VSTM4: variants seen among roughly 807,000 people sequenced by gnomAD.
VSTM4 encodes the protein V-set and transmembrane domain-containing protein 4.
In VSTM4, 20 loss-of-function variants were observed where a neutral mutation model predicts 36.4. The observed-to-expected ratio is 0.55, with a 90% CI of 0.39 to 0.80. The LOEUF is 0.80. Among genes scored for constraint, VSTM4 ranks in the 30% least tolerant of loss-of-function variants. The pLI is 0.00. For missense variants in VSTM4, 392 were observed against 404.5 expected, an observed-to-expected ratio of 0.97 and a Z score of 0.26; for synonymous variants, 182 against 173.9, an observed-to-expected ratio of 1.05 and a Z score of -0.37.
intron 2 of VSTM4, among the ~76,000 whole-genome samples, chr10:49,093,220 G>A (rs1190004461): frequency 1.3e-5 from 2 of 152,070 alleles, no homozygotes; most frequent in Non-Finnish European, 2.9e-5. Flanking sequence ...TGCCCACTGG[G>A]GCTTCAGGAG....
chr10:49,086,003 C>A lies in VSTM4; in HGVS notation c.478G>T (p.Glu160Ter). The change falls in exon 3 of 8, where the codon GAA becomes TAA. Residue 160 changes from glutamate to a stop codon, truncating the protein, a stop_gained. Transcript: ENST00000332853. LOFTEE classifies it high-confidence loss of function. ...TTTGTTTTCTCAAAGGATGACTCTT[C>A]AGAAGCTTTGAGGGAAATGACTGAA... ...EMRVISLKAS[E>*]ESSFEKTKET... is the part of the protein sequence containing the mutation. The A allele has an allele frequency of 6.3e-7, 1 of 1,591,814 alleles. No individual in the cohort carries two copies. Among genetic ancestry groups the A allele is most frequent in the South Asian group, 1.2e-5 (1 of 85,370 alleles).
At chr10:49,045,530 T>C (rs1444141366) in intron 7 of VSTM4, among the ~76,000 whole-genome samples, 1 of 152,188 alleles carries the variant, frequency 6.6e-6, no homozygotes. Context: ...TTTGCAAGCC[T>C]TAACATATCT....
chr10:49,024,111 C>G (rs932689864), intron 7 of VSTM4, among the ~76,000 whole-genome samples: 12 of 152,176 alleles, frequency 7.9e-5, no homozygotes, highest in African/African-American at 2.9e-4. Context: ...TCTCCCAGGG[C>G]TGTTTGGTTT....
In VSTM4 at chr10:49,107,629, G is replaced by T. The variant is rs1375152614; in HGVS notation, c.422C>A (p.Ala141Asp). 6.2e-7 allele frequency: 1 copy of T among 1,612,982 alleles called. No homozygotes were observed. The highest frequency in any genetic ancestry group is 1.3e-5 in the African/African-American group (1 of 74,926). ...CGTGGCTGAGGAGCCATTGGACCAGGCCGTCCACTTGTTCCTGTGCCTGCT... is the reference window on the plus strand; with the variant it reads ...CGTGGCTGAGGAGCCATTGGACCAGTCCGTCCACTTGTTCCTGTGCCTGCT... ...EISRHRNKWTAWSNGSSATEM... is the reference protein window; with the variant it reads ...EISRHRNKWTDWSNGSSATEM... The change falls in exon 2 of 8, where the codon GCC becomes GAC. Residue 141 changes from alanine to aspartate, a missense_variant. Ala to Asp is a moderately radical substitution (Grantham distance 126, BLOSUM62 -2). Coordinates refer to ENST00000332853, the MANE Select transcript of VSTM4 (RefSeq NM_001031746.5).
chr10:49,077,847 G>C (rs986036129), intron 3 of VSTM4, among the ~76,000 whole-genome samples: 1 of 152,102 alleles, frequency 6.6e-6, no homozygotes, highest in African/African-American at 2.4e-5. Flanking sequence ...CTGATGTTCT[G>C]TAAACAAACA....
intron 4 of VSTM4, among the ~76,000 whole-genome samples, chr10:49,074,342 A>G (rs543550371): frequency 1.0e-3 from 153 of 152,384 alleles, no homozygotes; most frequent in African/African-American, 3.6e-3. Context: ...TTGTAAAAGC[A>G]GGATGCTTGA....
At chr10:49,089,652 G>A (rs541205964) in intron 2 of VSTM4, among the ~76,000 whole-genome samples, 5 of 152,248 alleles carry the variant, frequency 3.3e-5, no homozygotes, top group African/African-American at 4.8e-5. Flanking sequence ...TTCACAGGAC[G>A]GTGCAGCAAC....
At chr10:49,042,650 A>G (rs1213005208) in intron 7 of VSTM4, among the ~76,000 whole-genome samples, 2 of 152,242 alleles carry the variant, frequency 1.3e-5, no homozygotes, top group Non-Finnish European at 2.9e-5. Flanking sequence ...CATGTACCCA[A>G]TTATGGATGT....
intron 7 of VSTM4, among the ~76,000 whole-genome samples, chr10:49,036,092 G>A (rs535387255): frequency 6.6e-6 from 1 of 152,338 alleles, no homozygotes; most frequent in African/African-American, 2.4e-5. Context: ...CTCACTTCCA[G>A]TGTGGGAGAG....
intron 5 of VSTM4, among the ~76,000 whole-genome samples, chr10:49,058,121 C>A (rs762561886): frequency 6.6e-6 from 1 of 152,194 alleles, no homozygotes. Context: ...CATATCTATA[C>A]CCTGCCGCTT....
At chr10:49,110,424 C>G (rs1020624625) in intron 1 of VSTM4, among the ~76,000 whole-genome samples, 1 of 152,102 alleles carries the variant, frequency 6.6e-6, no homozygotes, top group African/African-American at 2.4e-5. Context: ...CAGGATGAAC[C>G]CTCTTTTTAT....
chr10:49,095,774 G>A (rs559928749), intron 2 of VSTM4, among the ~76,000 whole-genome samples: 11 of 151,356 alleles, frequency 7.3e-5, no homozygotes, highest in African/African-American at 1.9e-4. Flanking sequence ...CCTCCATAAC[G>A]TCTATTAAAT....
At chr10:49,089,950 T>C (rs1844442509) in intron 2 of VSTM4, among the ~76,000 whole-genome samples, 1 of 152,236 alleles carries the variant, frequency 6.6e-6, no homozygotes, top group Non-Finnish European at 1.5e-5. Context: ...CCACAAATAC[T>C]CTGCCCTCCT....
At chr10:49,024,759 T>C (rs923985700) in intron 7 of VSTM4, among the ~76,000 whole-genome samples, 4 of 152,196 alleles carry the variant, frequency 2.6e-5, no homozygotes, top group African/African-American at 7.2e-5. Context: ...CACGCATATG[T>C]GCACGTTCTG....
intron 4 of VSTM4, among the ~76,000 whole-genome samples, chr10:49,069,189 C>T (rs748055926): frequency 1.1e-4 from 16 of 152,186 alleles, no homozygotes; most frequent in Non-Finnish European, 1.9e-4. Context: ...TGGAGGCAGC[C>T]TTACTCCCAT....
chr10:49,113,561 G>A (rs944298340), intron 1 of VSTM4, among the ~76,000 whole-genome samples: 6 of 152,200 alleles, frequency 3.9e-5, no homozygotes, highest in Non-Finnish European at 5.9e-5. Context: ...GGCAGAGCTG[G>A]AATTCGAACC....
chr10:49,110,405 C>T (rs1464551753), intron 1 of VSTM4, among the ~76,000 whole-genome samples: 1 of 152,184 alleles, frequency 6.6e-6, no homozygotes, highest in African/African-American at 2.4e-5. Flanking sequence ...GGACTATTCT[C>T]TAGCCTTCCA....
Position 49,016,682 on chromosome 10 carries a change from G to A in VSTM4, c.*2968C>T, listed in dbSNP as rs1590059907. 1 of 152,360 alleles carries A rather than the reference G, an allele frequency of 6.6e-6. No individual in the cohort carries two copies. Among genetic ancestry groups the A allele is most frequent in the East Asian group, 1.9e-4 (1 of 5,188 alleles). 9.4% of individuals were successfully genotyped at this position (152,360 alleles called of 1,614,324 possible). ...CCCCATGTTGTCTTCACTCTCACAA[G>A]AGTCAAGAGGTGGGAGGCCTGGCTT... On this transcript the variant is annotated 3_prime_UTR_variant, in exon 8 of 8. Coordinates refer to ENST00000332853, the MANE Select transcript of VSTM4 (RefSeq NM_001031746.5).
chr10:49,107,704 G>A lies in VSTM4; in HGVS notation c.347C>T (p.Thr116Ile), dbSNP rs1248122368. The change falls in exon 2 of 8, where the codon ACA becomes ATA. Residue 116 changes from threonine (T) to isoleucine (I), a missense_variant. Coordinates refer to ENST00000332853, the MANE Select transcript of VSTM4 (RefSeq NM_001031746.5). ...ATGCCCTTGATCGGAGGGCTGCAGT[G>A]TCAAGACGGAGAGCCTGTAGAGCGC... is the stretch of plus-strand genomic sequence containing the variant. Reference protein sequence around the residue: ...RGALYRLSVLTLQPSDQGHYV... With the variant: ...RGALYRLSVLILQPSDQGHYV... 16 of 1,614,114 alleles carry A rather than the reference G, an allele frequency of 9.9e-6. No homozygotes were observed. In the African/African-American group the frequency reaches 1.2e-4, roughly 12 times the overall value.
Sources: allele counts gnomAD v4.1 joint callset (sites outside exome capture counted in the v4.1 genomes callset), GRCh38; gene constraint gnomAD v4.1.1; transcripts MANE v1.5; gene names NCBI Gene and HGNC (gene_info 2026-07-23, HGNC 2026-07-21).